Variants in KCNIP4 observed in about 807,000 individuals in gnomAD.
KCNIP4 encodes potassium voltage-gated channel interacting protein 4.
Under a neutral mutation model 34.0 loss-of-function variants are expected in KCNIP4, and 12 were observed. That is an observed-to-expected ratio of 0.35 (90% CI 0.23 to 0.57). KCNIP4 has a LOEUF of 0.57. Among genes scored for constraint, KCNIP4 ranks in the 20% least tolerant of loss-of-function variants. The probability of loss-of-function intolerance (pLI) is 0.83; values close to 1 mark genes in which losing one functional copy is unlikely to be tolerated. For missense variants in KCNIP4, 238 were observed against 311.7 expected, an observed-to-expected ratio of 0.76 and a Z score of 1.78; for synonymous variants, 124 against 102.2, an observed-to-expected ratio of 1.21 and a Z score of -1.29.
chr4:20,834,714 G>A (rs1013304460), intron 3 of KCNIP4, among the ~76,000 whole-genome samples: 38 of 152,162 alleles, frequency 2.5e-4, no homozygotes, highest in African/African-American at 8.2e-4. Context: ...CATGGCATAA[G>A]GGCAAGAAGG....
intron 3 of KCNIP4, among the ~76,000 whole-genome samples, chr4:20,762,350 T>C (rs1046215616): frequency 1.3e-5 from 2 of 152,168 alleles, no homozygotes; most frequent in Non-Finnish European, 2.9e-5. Flanking sequence ...TTTCAACATA[T>C]GAGTTCTAAA....
At chr4:21,829,460 C>A (rs927294520) in intron 1 of KCNIP4, among the ~76,000 whole-genome samples, 3 of 151,476 alleles carry the variant, frequency 2.0e-5, no homozygotes, top group Non-Finnish European at 2.9e-5. Flanking sequence ...TAGGAGAATA[C>A]AAATTGAGTG....
At position 21,430,222 on chromosome 4, in the gene KCNIP4, A is replaced by G. The variant is rs1215351582; in HGVS notation, c.61+518349T>C. ...AATATTAACATGATTCAATACAAAC[A>G]GTAGTCTATTCTTGCATCACGTTTT... On this transcript the variant is annotated intron_variant, in intron 1 of 8. Transcript: ENST00000382152. 2.0e-5 allele frequency among the ~76,000 whole-genome samples: 3 copies of G among 152,282 alleles called. No homozygotes were observed. In the East Asian group the frequency reaches 5.8e-4, roughly 29 times the overall value.
In KCNIP4 at chr4:21,568,607, T is replaced by G. The variant is rs1349234607; in HGVS notation, c.61+379964A>C. On this transcript the variant is annotated intron_variant, in intron 1 of 8. Coordinates refer to ENST00000382152, the MANE Select transcript of KCNIP4 (RefSeq NM_025221.6). ...AGTCTTCCAGCCACCATCTTTCTCC[T>G]GTGCTGGATGCTTCCTAAGTTCAAA... Among the ~76,000 whole-genome samples, 4 of 152,134 alleles carry G rather than the reference T, an allele frequency of 2.6e-5. 1 individual carries two copies. Among genetic ancestry groups the G allele is most frequent in the African/African-American group, 9.7e-5 (4 of 41,444 alleles).
chr4:21,010,533 G>C (rs1021853808), intron 1 of KCNIP4, among the ~76,000 whole-genome samples: 1 of 152,088 alleles, frequency 6.6e-6, no homozygotes, highest in Non-Finnish European at 1.5e-5. Context: ...CGATGAATTT[G>C]ATTTTGGGAA....
chr4:21,616,589 G>C (rs1463899760), intron 1 of KCNIP4, among the ~76,000 whole-genome samples: 1 of 151,930 alleles, frequency 6.6e-6, no homozygotes, highest in Non-Finnish European at 1.5e-5. Context: ...GTGTCAGCAG[G>C]ACCAAACTTT....
intron 1 of KCNIP4, among the ~76,000 whole-genome samples, chr4:20,954,138 A>G (rs2149646662): frequency 6.6e-6 from 1 of 152,318 alleles, no homozygotes; most frequent in Non-Finnish European, 1.5e-5. Flanking sequence ...AGTGAACACA[A>G]GAGCTCATGA....
At chr4:21,810,025 C>T (rs1721530742) in intron 1 of KCNIP4, among the ~76,000 whole-genome samples, 1 of 152,166 alleles carries the variant, frequency 6.6e-6, no homozygotes, top group South Asian at 2.1e-4. Context: ...GTTTTACAAG[C>T]AAAGACTCCA....
chr4:21,519,740 G>GTGT (rs556963421), intron 1 of KCNIP4, among the ~76,000 whole-genome samples: 11 of 110,224 alleles, frequency 1.0e-4, no homozygotes, highest in East Asian at 3.4e-4. Context: ...GTATATGTAT[G>GTGT]ATACACACGT....
chr4:21,390,323 A>G (rs1475493184), intron 1 of KCNIP4, among the ~76,000 whole-genome samples: 1 of 152,062 alleles, frequency 6.6e-6, no homozygotes, highest in Non-Finnish European at 1.5e-5. Flanking sequence ...CCCAATTGTC[A>G]ATTTTGGCTT....
At chr4:21,837,743 T>A (rs1723440430) in intron 1 of KCNIP4, among the ~76,000 whole-genome samples, 2 of 151,996 alleles carry the variant, frequency 1.3e-5, no homozygotes, top group African/African-American at 2.4e-5. Context: ...AAATTTAAAA[T>A]CATTTAATTA....
At position 20,827,653 on chromosome 4, in the gene KCNIP4, G is replaced by A. The variant is rs150739630; in HGVS notation, c.288+22890C>T. 2.4e-3 allele frequency among the ~76,000 whole-genome samples: 363 copies of A among 152,174 alleles called. 1 individual carries two copies. The highest frequency in any genetic ancestry group is 6.8e-3 in the Middle Eastern group (2 of 294). On this transcript the variant is annotated intron_variant, in intron 3 of 8. Coordinates refer to ENST00000382152, the MANE Select transcript of KCNIP4 (RefSeq NM_025221.6). ...GAGGGACAGGACAGATGGGCAATGT[G>A]GAGATTCATTGGTCAGTATTCTGAG...
chr4:21,625,385 G>T (rs1015930345), intron 1 of KCNIP4, among the ~76,000 whole-genome samples: 2 of 152,056 alleles, frequency 1.3e-5, no homozygotes, highest in African/African-American at 4.8e-5. Flanking sequence ...TATCCCATTT[G>T]TAAAATTGAG....
Position 21,242,693 on chromosome 4 carries a change from A to G in KCNIP4, c.62-359984T>C, listed in dbSNP as rs200921555. ...CTGGGAAATTGTTCTTTCACTGACA[A>G]TGGACTAAGATTTACACCATTGGCT... On this transcript the variant is annotated intron_variant, in intron 1 of 8. Transcript: ENST00000382152. Among the ~76,000 whole-genome samples, 11 of 152,248 alleles carry G rather than the reference A, an allele frequency of 7.2e-5. No homozygotes were observed. In the East Asian group the frequency reaches 9.7e-4, roughly 13 times the overall value.
chr4:21,063,105 T>C (rs966994727), intron 1 of KCNIP4, among the ~76,000 whole-genome samples: 2 of 152,086 alleles, frequency 1.3e-5, no homozygotes, highest in African/African-American at 4.8e-5. Flanking sequence ...TCTTTTACCA[T>C]GAGCATATCA....
chr4:21,453,129 T>C (rs1271820860), intron 1 of KCNIP4, among the ~76,000 whole-genome samples: 1 of 151,942 alleles, frequency 6.6e-6, no homozygotes, highest in Non-Finnish European at 1.5e-5. Flanking sequence ...TTCACAGGAA[T>C]GTGTGAGTCA....
intron 1 of KCNIP4, among the ~76,000 whole-genome samples, chr4:21,433,999 T>G (rs1221515073): frequency 6.6e-6 from 1 of 152,178 alleles, no homozygotes; most frequent in Non-Finnish European, 1.5e-5. Context: ...TTATAATCGG[T>G]ATTTTCTGGG....
chr4:20,940,743 A>AT (rs1036608627), intron 1 of KCNIP4, among the ~76,000 whole-genome samples: 1 of 152,184 alleles, frequency 6.6e-6, no homozygotes, highest in Non-Finnish European at 1.5e-5. Flanking sequence ...GATCCAGATA[A>AT]TTATTCTTAT....
chr4:21,393,774 T>C (rs1722747977), intron 1 of KCNIP4, among the ~76,000 whole-genome samples: 1 of 152,210 alleles, frequency 6.6e-6, no homozygotes, highest in African/African-American at 2.4e-5. Flanking sequence ...GATTATCCAG[T>C]TCTCCACTGC....
Sources: gnomAD v4.1 joint callset for allele counts (sites outside exome capture counted in the v4.1 genomes callset) on GRCh38, gnomAD v4.1.1 for gene constraint, MANE v1.5 for transcripts, NCBI Gene and HGNC (gene_info 2026-07-23, HGNC 2026-07-21) for gene names.